RNF19A: variants seen among roughly 807,000 people sequenced by gnomAD.
RNF19A encodes E3 ubiquitin-protein ligase RNF19A.
RNF19A carries 32 observed loss-of-function variants against 75.7 expected under a neutral mutation model. The ratio of observed to expected loss-of-function variants is 0.42; its 90% CI spans 0.32 to 0.57. RNF19A has a LOEUF of 0.57. RNF19A is among the 20% of genes least tolerant of loss of function. The pLI, the probability that RNF19A is intolerant of heterozygous loss-of-function variation, is 0.10. For synonymous variants in RNF19A, 335 were observed against 345.2 expected, an observed-to-expected ratio of 0.97 and a Z score of 0.33; for missense variants, 782 against 1,036.3, an observed-to-expected ratio of 0.75 and a Z score of 3.37.
At chr8:100,319,589 G>A (rs1015974842) in intron 1 of RNF19A, among the ~76,000 whole-genome samples, 1 of 149,244 alleles carries the variant, frequency 6.7e-6, no homozygotes, top group African/African-American at 2.5e-5. Flanking sequence ...GAGTGTAATG[G>A]CACAATCTCG....
Position 100,331,285 on chromosome 8 carries a change from C to T in RNF19A, c.-243+4823G>A, listed in dbSNP as rs985690827. Among the ~76,000 whole-genome samples, 12 of 152,200 alleles carry T rather than the reference C, an allele frequency of 7.9e-5. No homozygotes were observed. The highest frequency in any genetic ancestry group is 2.2e-4 in the African/African-American group (9 of 41,444). ...ATTTCACATAATGTAGAAAAGCCAT[C>T]GTCCTCTTGAGATATTCCCATTGCA... On this transcript the variant is annotated intron_variant, in intron 1 of 3. Transcript: ENST00000519527. The surrounding 1 kb of genome is among the most constrained non-coding windows in gnomAD (Gnocchi z 5.2).
intron 1 of RNF19A, among the ~76,000 whole-genome samples, chr8:100,318,564 T>G (rs1036517954): frequency 3.3e-5 from 5 of 152,238 alleles, no homozygotes; most frequent in African/African-American, 1.2e-4. Context: ...ATTTCCACAC[T>G]TATGAAATAT....
rs1819722099 is a variant in RNF19A, at chr8:100,261,662, T to G, written c.1562A>C (p.His521Pro). Residue 521 changes from histidine (H) to proline (P), a missense_variant, in exon 8 of 10, where the codon CAC becomes CCC. Physicochemically the swap from His to Pro is moderately conservative, Grantham distance 77. Transcript: ENST00000341084. This position sits in a 1 kb window ranked among gnomAD's most constrained non-coding sequence, Gnocchi z 4.4. ...TCGGATGGCTCCTATTCGATCCATG[T>G]GGCTTCCACTTGCACTCAAACTGCC... ...LTGSLSASGS[H>P]MDRIGAIRDN... The G allele has an allele frequency of 6.2e-7, 1 of 1,614,062 alleles. No homozygotes were observed. Among genetic ancestry groups the G allele is most frequent in the African/African-American group, 1.3e-5 (1 of 74,930 alleles).
At position 100,257,752 on chromosome 8, in the gene RNF19A, A is replaced by G. The variant is rs998511437; in HGVS notation, c.*804T>C. On this transcript the variant is annotated 3_prime_UTR_variant, in exon 10 of 10. Coordinates refer to ENST00000341084, the MANE Select transcript of RNF19A (RefSeq NM_183419.4). Reference sequence around the variant, plus strand: ...GCCATTAAAACCCAGTCGATCCCAAAGGCACCAAGAATCAATGGGGTACAA... The same window carrying G: ...GCCATTAAAACCCAGTCGATCCCAAGGGCACCAAGAATCAATGGGGTACAA... 1 of 350,500 alleles carries G rather than the reference A, an allele frequency of 2.9e-6. No individual in the cohort carries two copies. The highest frequency in any genetic ancestry group is 5.1e-6 in the Non-Finnish European group (1 of 196,162). The allele number at this position is 350,500 out of a possible 1,614,324, so 21.7% of individuals were successfully genotyped here.
Position 100,268,733 on chromosome 8 carries a change from C to T in RNF19A, c.1191+52G>A, listed in dbSNP as rs192943422. The stretch of plus-strand genomic sequence containing the variant: ...AAAAATCATCAATACTAAAAGAATA[C>T]ACCTAAAGATTTAGAATAAGATAAT... On this transcript the variant is annotated intron_variant, in intron 5 of 9. Transcript: ENST00000341084. 8 of 907,154 alleles carry T rather than the reference C, an allele frequency of 8.8e-6. No homozygotes were observed. The Admixed American group carries it at 2.3e-4, about 26-fold the overall frequency. The allele number at this position is 907,154 out of a possible 1,614,324, so 56.2% of individuals were successfully genotyped here.
chr8:100,260,460 G>A lies in RNF19A; in HGVS notation c.1683-463C>T, dbSNP rs138824461. Among the ~76,000 whole-genome samples, 4 of 152,194 alleles carry A rather than the reference G, an allele frequency of 2.6e-5. No individual in the cohort carries two copies. The highest frequency in any genetic ancestry group is 4.8e-5 in the African/African-American group (2 of 41,530). On this transcript the variant is annotated intron_variant, in intron 8 of 9. Coordinates refer to ENST00000341084, the MANE Select transcript of RNF19A (RefSeq NM_183419.4). The surrounding 1 kb of genome is among the most constrained non-coding windows in gnomAD (Gnocchi z 4.1). ...TTATTTATATATATTTTTAGAGACA[G>A]GGTCTCGTTATGTTGCCCAGGCTGG...
At chr8:100,318,077 G>C (rs769972275) in intron 1 of RNF19A, among the ~76,000 whole-genome samples, 1 of 151,632 alleles carries the variant, frequency 6.6e-6, no homozygotes, top group Non-Finnish European at 1.5e-5. Context: ...ATAATACTTC[G>C]GGCCTACATT....
intron 1 of RNF19A, among the ~76,000 whole-genome samples, chr8:100,301,588 T>C (rs1821831327): frequency 6.6e-6 from 1 of 152,224 alleles, no homozygotes; most frequent in South Asian, 2.1e-4. Flanking sequence ...CCTTTGTCTC[T>C]GCCTGGAGTA....
chr8:100,302,666 G>T (rs554399315), intron 1 of RNF19A, among the ~76,000 whole-genome samples: 4 of 152,266 alleles, frequency 2.6e-5, no homozygotes, highest in African/African-American at 4.8e-5. Flanking sequence ...AGGGAATGAG[G>T]TCTGTAGCAT....
chr8:100,334,939 T>A (rs1822657422), intron 1 of RNF19A, among the ~76,000 whole-genome samples: 1 of 152,200 alleles, frequency 6.6e-6, no homozygotes, highest in Admixed American at 6.5e-5. Flanking sequence ...AGCTAATGGG[T>A]AGATAGACCA....
In RNF19A at chr8:100,264,746, T is replaced by C; in HGVS notation, c.1231A>G (p.Lys411Glu). Residue 411 changes from lysine to glutamate, a missense_variant, in exon 6 of 10, where the codon AAA (lysine) becomes GAA (glutamate). Coordinates refer to ENST00000341084, the MANE Select transcript of RNF19A (RefSeq NM_183419.4). The surrounding 1 kb of genome is among the most constrained non-coding windows in gnomAD (Gnocchi z 4.7). ...RYEGKDVSKH[K>E]RNLAIAGGVT... Reference sequence around the variant, plus strand: ...CCACCTGCTATGGCCAAATTCCGTTTGTGCTTTGAAACATCCTTGCCTTCA... The same window carrying C: ...CCACCTGCTATGGCCAAATTCCGTTCGTGCTTTGAAACATCCTTGCCTTCA... 1.2e-6 allele frequency: 2 copies of C among 1,613,750 alleles called. No homozygotes were observed. The highest frequency in any genetic ancestry group is 1.7e-6 in the Non-Finnish European group (2 of 1,179,698).
intron 5 of RNF19A, chr8:100,268,555 A>AT (rs1054031343): frequency 1.4e-4 from 48 of 339,578 alleles, no homozygotes; most frequent in Non-Finnish European, 2.1e-4. Flanking sequence ...ACATACTAAA[A>AT]TTTTCAGATT....
intron 1 of RNF19A, among the ~76,000 whole-genome samples, chr8:100,304,761 T>C (rs1167195648): frequency 6.6e-6 from 1 of 152,204 alleles, no homozygotes; most frequent in African/African-American, 2.4e-5. Context: ...TAACAGTACA[T>C]TCTATATGCA....
intron 1 of RNF19A, among the ~76,000 whole-genome samples, chr8:100,320,621 T>G (rs144485142): frequency 6.6e-6 from 1 of 152,226 alleles, no homozygotes; most frequent in East Asian, 1.9e-4. Context: ...GGGTGATGAA[T>G]GCCCATACAT....
chr8:100,294,738 A>G (rs1788206), intron 1 of RNF19A, among the ~76,000 whole-genome samples: 49,024 of 151,930 alleles, frequency 0.32, 8,577 homozygotes, highest in East Asian at 0.41. Flanking sequence ...CTAGGCTTTG[A>G]GATACAGTAT....
intron 7 of RNF19A, 109 bp downstream of exon 7, chr8:100,263,925 G>T: frequency 2.3e-6 from 2 of 859,000 alleles, no homozygotes; most frequent in Non-Finnish European, 3.7e-6. Context: ...ATACTATTAG[G>T]CCTAGTAAAA....
Position 100,330,181 on chromosome 8 carries a change from C to T in RNF19A, c.-243+5927G>A, listed in dbSNP as rs879441127. Among the ~76,000 whole-genome samples, 74 of 152,206 alleles carry T rather than the reference C, an allele frequency of 4.9e-4. No homozygotes were observed. The highest frequency in any genetic ancestry group is 3.3e-4 in the Admixed American group (5 of 15,288). On this transcript the variant is annotated intron_variant, in intron 1 of 3. Coordinates refer to the RNF19A transcript ENST00000519527. The surrounding 1 kb of genome is among the most constrained non-coding windows in gnomAD (Gnocchi z 4.1). ...AGTTTGCTCCCACAATCTCCCCAACCTTCTCTAGCATCTTAACTTTTTCTC... is the reference window on the plus strand; with the variant it reads ...AGTTTGCTCCCACAATCTCCCCAACTTTCTCTAGCATCTTAACTTTTTCTC...
chr8:100,266,509 T>A (rs1029274923), intron 5 of RNF19A, among the ~76,000 whole-genome samples: 7 of 152,216 alleles, frequency 4.6e-5, no homozygotes, highest in Admixed American at 2.0e-4. Context: ...TGAAATTTTT[T>A]ATTTTTTCTC....
chr8:100,299,516 T>C (rs937733928), intron 1 of RNF19A, among the ~76,000 whole-genome samples: 2 of 152,180 alleles, frequency 1.3e-5, no homozygotes, highest in Admixed American at 6.5e-5. Flanking sequence ...TCCCGGCGCT[T>C]TGGGAGACCA....
Sources: gnomAD v4.1 joint callset for allele counts (sites outside exome capture counted in the v4.1 genomes callset) on GRCh38, gnomAD v4.1.1 for gene constraint, Gnocchi (gnomAD v3.1) non-coding constraint, MANE v1.5 for transcripts, NCBI Gene and HGNC (gene_info 2026-07-23, HGNC 2026-07-21) for gene names.